Variants in CRTAC1 observed in about 807,000 individuals in gnomAD.
CRTAC1 encodes cartilage acidic protein 1.
Under a neutral mutation model 67.8 loss-of-function variants are expected in CRTAC1, and 37 were observed. The observed-to-expected ratio is 0.55, with a 90% CI of 0.42 to 0.72. The LOEUF (loss-of-function observed/expected upper bound fraction) is 0.72. CRTAC1 is among the 30% of genes least tolerant of loss of function. CRTAC1 has a pLI of 0.00. For missense variants in CRTAC1, 780 were observed against 931.6 expected (o/e 0.84, Z 2.12); for synonymous variants, 348 against 371.0 (o/e 0.94, Z 0.71).
intron 2 of CRTAC1, among the ~76,000 whole-genome samples, chr10:97,946,327 T>A (rs1461667224): frequency 6.6e-6 from 1 of 152,190 alleles, no homozygotes; most frequent in Non-Finnish European, 1.5e-5. Context: ...GGTCAGCACT[T>A]CCTTTTCCTT....
chr10:97,961,965 T>G (rs988834552), intron 2 of CRTAC1, among the ~76,000 whole-genome samples: 2 of 152,180 alleles, frequency 1.3e-5, no homozygotes, highest in Admixed American at 6.5e-5. Flanking sequence ...TTATGTCTGC[T>G]CTCTTTTTTA....
At chr10:98,017,098 T>G (rs894923685) in intron 1 of CRTAC1, among the ~76,000 whole-genome samples, 6 of 152,206 alleles carry the variant, frequency 3.9e-5, no homozygotes, top group African/African-American at 1.4e-4. Context: ...TTTTCTTGAA[T>G]GCTTGTGTAT....
At chr10:98,019,148 A>G (rs903111462) in intron 1 of CRTAC1, among the ~76,000 whole-genome samples, 6 of 152,110 alleles carry the variant, frequency 3.9e-5, no homozygotes, top group Non-Finnish European at 8.8e-5. Flanking sequence ...TTAGCTGGGC[A>G]AGGAGAGGCA....
intron 2 of CRTAC1, among the ~76,000 whole-genome samples, chr10:97,996,781 A>T (rs1358348545): frequency 6.6e-6 from 1 of 152,194 alleles, no homozygotes; most frequent in African/African-American, 2.4e-5. Context: ...AGACACATGC[A>T]CATGTATGTT....
At chr10:97,873,940 G>A (rs1012492518) in intron 14 of CRTAC1, among the ~76,000 whole-genome samples, 7 of 152,196 alleles carry the variant, frequency 4.6e-5, no homozygotes, top group African/African-American at 1.7e-4. Context: ...ACCAAGTATG[G>A]TTCTTCTGTT....
At chr10:97,989,883 TTG>T (rs1328636600) in intron 2 of CRTAC1, among the ~76,000 whole-genome samples, 1 of 152,220 alleles carries the variant, frequency 6.6e-6, no homozygotes, top group East Asian at 1.9e-4. Flanking sequence ...CTCCTACATC[TTG>T]TGTACAGTTC....
chr10:97,968,042 G>A (rs1438178751), intron 2 of CRTAC1, among the ~76,000 whole-genome samples: 1 of 152,254 alleles, frequency 6.6e-6, no homozygotes, highest in African/African-American at 2.4e-5. Flanking sequence ...TATGGGATTT[G>A]CAATCCAAAG....
Position 97,947,782 on chromosome 10 carries a change from G to A in CRTAC1, c.225-11416C>T, listed in dbSNP as rs1353162314. On this transcript the variant is annotated intron_variant, in intron 2 of 14. Coordinates refer to ENST00000370597, the MANE Select transcript of CRTAC1 (RefSeq NM_018058.7). The stretch of plus-strand genomic sequence containing the variant: ...GATTTATATTTTCTGGGTCAGGTAT[G>A]GTGGCTCATGCCTGTAATCTAACAC... 2.6e-5 allele frequency among the ~76,000 whole-genome samples: 4 copies of A among 152,276 alleles called. No individual in the cohort carries two copies. The East Asian group carries it at 7.7e-4, about 29-fold the overall frequency.
At chr10:97,921,783 A>G (rs1252255436) in intron 4 of CRTAC1, among the ~76,000 whole-genome samples, 1 of 152,146 alleles carries the variant, frequency 6.6e-6, no homozygotes, top group African/African-American at 2.4e-5. Flanking sequence ...CTCTGCTGGC[A>G]GACTGACCAT....
At chr10:98,028,292 AT>A (rs1205227605) in intron 1 of CRTAC1, among the ~76,000 whole-genome samples, 1 of 152,262 alleles carries the variant, frequency 6.6e-6, no homozygotes, top group Non-Finnish European at 1.5e-5. Flanking sequence ...GCCTTAAAGC[AT>A]TAAGTTGCTA....
chr10:97,966,214 T>C (rs1478851297), intron 2 of CRTAC1, among the ~76,000 whole-genome samples: 1 of 152,236 alleles, frequency 6.6e-6, no homozygotes, highest in East Asian at 1.9e-4. Flanking sequence ...GAGTAGCCAC[T>C]ACAGGCATGT....
At position 97,975,351 on chromosome 10, in the gene CRTAC1, G is replaced by C. The variant is rs905180051; in HGVS notation, c.224+35787C>G. Among the ~76,000 whole-genome samples, 2 of 151,996 alleles carry C rather than the reference G, an allele frequency of 1.3e-5. No homozygotes were observed. Among genetic ancestry groups the C allele is most frequent in the Non-Finnish European group, 2.9e-5 (2 of 67,954 alleles). On this transcript the variant is annotated intron_variant, in intron 2 of 14. Coordinates refer to ENST00000370597, the MANE Select transcript of CRTAC1 (RefSeq NM_018058.7). The surrounding 1 kb of genome is among the most constrained non-coding windows in gnomAD (Gnocchi z 4.8). Reference sequence around the variant, plus strand: ...CGGTTCCTGACCCGCCTCCTGGCTGGAGGGTTCAAAAGACTTCAGACCTCC... The same window carrying C: ...CGGTTCCTGACCCGCCTCCTGGCTGCAGGGTTCAAAAGACTTCAGACCTCC...
At chr10:97,952,243 T>C (rs1279605528) in intron 2 of CRTAC1, among the ~76,000 whole-genome samples, 3 of 151,944 alleles carry the variant, frequency 2.0e-5, no homozygotes, top group Non-Finnish European at 4.4e-5. Context: ...TCCCAGCTAC[T>C]TGGGAGGCTG....
rs114948171 is a variant in CRTAC1, at chr10:97,938,986, G to T, written c.225-2620C>A. On this transcript the variant is annotated intron_variant, in intron 2 of 14. Coordinates refer to ENST00000370597, the MANE Select transcript of CRTAC1 (RefSeq NM_018058.7). ...CAGAGCCAGAGTTTAAAAGCCCCTGGACTCTGTGGGTCTGTGAGTCTCACT... is the reference window on the plus strand; with the variant it reads ...CAGAGCCAGAGTTTAAAAGCCCCTGTACTCTGTGGGTCTGTGAGTCTCACT... Among the ~76,000 whole-genome samples, 1,338 of 152,304 alleles carry T rather than the reference G, an allele frequency of 8.8e-3. 23 individuals are homozygous for T. Among genetic ancestry groups the T allele is most frequent in the African/African-American group, 0.031 (1,277 of 41,560 alleles).
intron 3 of CRTAC1, among the ~76,000 whole-genome samples, chr10:97,935,923 G>T (rs1395478172): frequency 6.6e-6 from 1 of 152,128 alleles, no homozygotes; most frequent in Non-Finnish European, 1.5e-5. Flanking sequence ...CTGAGGGAGA[G>T]ACTCGGTCTC....
intron 2 of CRTAC1, among the ~76,000 whole-genome samples, chr10:97,985,566 A>G (rs533864546): frequency 2.6e-5 from 4 of 152,196 alleles, no homozygotes; most frequent in Admixed American, 6.5e-5. Context: ...TGGCAGTCAC[A>G]TGGAGGCCAA....
chr10:97,871,605 C>T (rs1479579100), intron 14 of CRTAC1: 1 of 152,154 alleles, frequency 6.6e-6, no homozygotes, highest in Admixed American at 6.5e-5. Flanking sequence ...AATTCTCGAA[C>T]ACTGGGGTGT....
intron 2 of CRTAC1, among the ~76,000 whole-genome samples, chr10:97,967,652 C>T (rs1353996190): frequency 1.3e-5 from 2 of 152,066 alleles, no homozygotes. Context: ...TAATCCATTA[C>T]CACATGAATC....
intron 2 of CRTAC1, among the ~76,000 whole-genome samples, chr10:97,952,878 A>C (rs912175145): frequency 6.6e-6 from 1 of 152,200 alleles, no homozygotes; most frequent in African/African-American, 2.4e-5. Context: ...TTAATTCACA[A>C]TTCACAATGC....
Sources: allele counts gnomAD v4.1 joint callset (sites outside exome capture counted in the v4.1 genomes callset), GRCh38; gene constraint gnomAD v4.1.1; non-coding constraint Gnocchi (gnomAD v3.1); transcripts MANE v1.5; gene names NCBI Gene and HGNC (gene_info 2026-07-23, HGNC 2026-07-21).